Variants in NCOA1 observed in about 807,000 individuals in gnomAD.
NCOA1 encodes the protein Hin-2 protein.
Under a neutral mutation model 150.9 loss-of-function variants are expected in NCOA1, and 35 were observed. That is an observed-to-expected ratio of 0.23 (90% CI 0.18 to 0.31). The LOEUF (loss-of-function observed/expected upper bound fraction) is 0.31, where lower values mean the gene tolerates loss of function less well. NCOA1 is among the 10% of genes least tolerant of loss of function. NCOA1 has a pLI of 1.00. For missense variants in NCOA1, 1,491 were observed against 1,749.3 expected, an observed-to-expected ratio of 0.85 and a Z score of 2.63; for synonymous variants, 590 against 630.0, an observed-to-expected ratio of 0.94 and a Z score of 0.95.
chr2:24,598,987 G>A (rs1667996513), intron 3 of NCOA1, among the ~76,000 whole-genome samples: 1 of 152,140 alleles, frequency 6.6e-6, no homozygotes, highest in Non-Finnish European at 1.5e-5. Flanking sequence ...TGAGGACCTG[G>A]ACAAAGATTT....
chr2:24,611,396 G>A (rs1668620034), intron 3 of NCOA1, among the ~76,000 whole-genome samples: 2 of 152,180 alleles, frequency 1.3e-5, no homozygotes, highest in Non-Finnish European at 2.9e-5. Flanking sequence ...AAAGAGTGCT[G>A]CAGTGAACGT....
intron 1 of NCOA1, among the ~76,000 whole-genome samples, chr2:24,531,630 C>T (rs775225001): frequency 7.9e-5 from 12 of 152,190 alleles, no homozygotes; most frequent in South Asian, 2.1e-4. Flanking sequence ...TGATAGGCCC[C>T]GGTGTGTGAT....
intron 6 of NCOA1, among the ~76,000 whole-genome samples, chr2:24,669,917 C>T (rs1033165003): frequency 6.6e-6 from 1 of 152,142 alleles, no homozygotes. Context: ...GTGAGAAGAT[C>T]GCTTGAGCCC....
intron 3 of NCOA1, among the ~76,000 whole-genome samples, chr2:24,634,307 T>C (rs1669837080): frequency 1.3e-5 from 2 of 152,174 alleles, no homozygotes; most frequent in Admixed American, 1.3e-4. Flanking sequence ...ATCACAATGT[T>C]ACTGTTGTTA....
rs1459123790 is a variant in NCOA1, at chr2:24,707,260, A to C, written c.1790A>C (p.Gln597Pro). The change falls in exon 13 of 23, where the codon CAA (glutamine) becomes CCA (proline). Residue 597 changes from glutamine (Q) to proline (P), a missense_variant. Gln to Pro is a moderately conservative substitution (Grantham distance 76, BLOSUM62 -1). Transcript: ENST00000348332. ...GCCTCAATTTTAAATGAAATGATTC[A>C]ATCTGACAACAGCTCTAGTGATGGC... The part of the protein sequence containing the change: ...EIASILNEMI[Q>P]SDNSSSDGKP... 3.1e-6 allele frequency: 5 copies of C among 1,614,116 alleles called. No homozygotes were observed. Among genetic ancestry groups the C allele is most frequent in the South Asian group, 1.1e-5 (1 of 91,088 alleles).
intron 2 of NCOA1, among the ~76,000 whole-genome samples, chr2:24,565,271 G>A (rs957889478): frequency 3.3e-5 from 5 of 152,162 alleles, no homozygotes; most frequent in Admixed American, 2.6e-4. Flanking sequence ...AGTGAGTTAG[G>A]TGTTTATTTA....
chr2:24,668,294 T>C (rs2148510684), intron 6 of NCOA1, among the ~76,000 whole-genome samples: 1 of 152,030 alleles, frequency 6.6e-6, no homozygotes, highest in South Asian at 2.1e-4. Context: ...GAACTAGAAG[T>C]ATATTAGTTT....
At chr2:24,693,524 C>A (rs1672765426) in intron 10 of NCOA1, among the ~76,000 whole-genome samples, 177 bp downstream of exon 10, 1 of 152,082 alleles carries the variant, frequency 6.6e-6, no homozygotes, top group Non-Finnish European at 1.5e-5. Flanking sequence ...ATACTATGAT[C>A]ATTATCATGG....
chr2:24,629,330 T>C (rs978733347), intron 3 of NCOA1, among the ~76,000 whole-genome samples: 1 of 152,130 alleles, frequency 6.6e-6, no homozygotes, highest in Admixed American at 6.5e-5. Context: ...GTAAGAGTCA[T>C]GAATATTTTA....
chr2:24,552,721 C>T lies in NCOA1; in HGVS notation c.-395-11574C>T, dbSNP rs111907044. Among the ~76,000 whole-genome samples, 159 of 152,114 alleles carry T rather than the reference C, an allele frequency of 1.0e-3. 1 individual carries two copies. Among genetic ancestry groups the T allele is most frequent in the African/African-American group, 3.5e-3 (147 of 41,476 alleles). ...GCATTTATTTTGTTATATTCTATCT[C>T]TTTTTAATGTTTATACAATTGCTAC... On this transcript the variant is annotated intron_variant, in intron 1 of 22. Coordinates refer to ENST00000348332, the MANE Select transcript of NCOA1 (RefSeq NM_003743.5).
At chr2:24,639,160 C>G (rs1670066754) in intron 3 of NCOA1, among the ~76,000 whole-genome samples, 1 of 152,104 alleles carries the variant, frequency 6.6e-6, no homozygotes, top group African/African-American at 2.4e-5. Flanking sequence ...GCTATTATTA[C>G]TTCCTTAAAT....
intron 2 of NCOA1, among the ~76,000 whole-genome samples, chr2:24,576,268 G>A (rs537370269): frequency 6.8e-6 from 1 of 147,994 alleles, no homozygotes; most frequent in South Asian, 2.2e-4. Flanking sequence ...ACAGCTTGTG[G>A]GAACTCCTTT....
chr2:24,627,990 C>T (rs939905027), intron 3 of NCOA1, among the ~76,000 whole-genome samples: 27 of 152,110 alleles, frequency 1.8e-4, no homozygotes, highest in African/African-American at 6.5e-4. Context: ...CAAATCTGTG[C>T]CTAATTCCTT....
intron 3 of NCOA1, among the ~76,000 whole-genome samples, chr2:24,589,630 G>GGTGTGTGTGTGTGTGTGT (rs148118845): frequency 3.4e-5 from 5 of 147,448 alleles, no homozygotes; most frequent in Admixed American, 6.7e-5. Flanking sequence ...AGAGGTTGGT[G>GGTGTGTGTGTGTGTGTGT]GTGTGTGTGT....
At chr2:24,634,712 C>CCCG (rs1669860140) in intron 3 of NCOA1, among the ~76,000 whole-genome samples, 1 of 108,220 alleles carries the variant, frequency 9.2e-6, no homozygotes, top group Non-Finnish European at 2.0e-5. Context: ...GGAGGAACCC[C>CCCG]CCCCCCCCCC....
At chr2:24,696,819 G>A (rs954729303) in intron 10 of NCOA1, among the ~76,000 whole-genome samples, 1 of 151,990 alleles carries the variant, frequency 6.6e-6, no homozygotes, top group African/African-American at 2.4e-5. Flanking sequence ...TATTGGTAAC[G>A]TCAAGTTCTG....
intron 3 of NCOA1, among the ~76,000 whole-genome samples, chr2:24,589,778 G>A (rs1040578701): frequency 6.6e-6 from 1 of 152,138 alleles, no homozygotes; most frequent in African/African-American, 2.4e-5. Flanking sequence ...CTAGCTCCCA[G>A]ATTTCCTTAC....
chr2:24,664,137 C>T (rs1671307946), intron 5 of NCOA1, among the ~76,000 whole-genome samples: 1 of 152,136 alleles, frequency 6.6e-6, no homozygotes, highest in Non-Finnish European at 1.5e-5. Context: ...GTATGTTACT[C>T]ATTTTATTCA....
At chr2:24,698,162 G>C (rs772573023) in intron 11 of NCOA1, among the ~76,000 whole-genome samples, 1 of 151,976 alleles carries the variant, frequency 6.6e-6, no homozygotes, top group Non-Finnish European at 1.5e-5. Flanking sequence ...GAAAATATAC[G>C]ACAACCCTAA....
Sources: gnomAD v4.1 joint callset for allele counts (sites outside exome capture counted in the v4.1 genomes callset) on GRCh38, gnomAD v4.1.1 for gene constraint, MANE v1.5 for transcripts, NCBI Gene and HGNC (gene_info 2026-07-23, HGNC 2026-07-21) for gene names.